The following COL21A1 variants were observed in gnomAD, a reference collection of about 807,000 sequenced individuals.
COL21A1 encodes the protein collagen type XXI alpha 1 chain, also known as collagen alpha-1(XXI) chain.
COL21A1 carries 149 observed loss-of-function variants against 137.9 expected under a neutral mutation model. The ratio of observed to expected loss-of-function variants is 1.08; its 90% CI spans 0.95 to 1.24. COL21A1 has a LOEUF of 1.24. Ranked by LOEUF, COL21A1 falls within the 50% of genes most tolerant of loss-of-function variation. The probability of loss-of-function intolerance (pLI) is 0.00; values close to 1 mark genes in which losing one functional copy is unlikely to be tolerated. For missense variants in COL21A1, 1,167 were observed against 1,158.4 expected (o/e 1.01, Z -0.11); for synonymous variants, 456 against 391.5 (o/e 1.16, Z -1.95).
intron 10 of COL21A1, among the ~76,000 whole-genome samples, chr6:56,146,948 T>C (rs1244726241): frequency 6.6e-6 from 1 of 152,144 alleles, no homozygotes; most frequent in Non-Finnish European, 1.5e-5. Context: ...TATATTTCCC[T>C]TGAGCTAAGC....
intron 1 of COL21A1, among the ~76,000 whole-genome samples, chr6:56,260,129 G>A (rs1763215049): frequency 3.9e-5 from 6 of 152,090 alleles, no homozygotes; most frequent in Admixed American, 3.3e-4. Context: ...AATTTAACAG[G>A]AGAATATTAC....
intron 9 of COL21A1, among the ~76,000 whole-genome samples, chr6:56,158,794 CCAAGAGGCTTAGCTTG>C (rs1775981921): frequency 6.6e-6 from 1 of 151,914 alleles, no homozygotes; most frequent in Non-Finnish European, 1.5e-5. Context: ...CAGCTGCCCC[CCAAGAGGCTTAGCTTG>C]AGGAAAGGCT....
At chr6:56,169,197 T>A (rs979130205) in intron 5 of COL21A1, among the ~76,000 whole-genome samples, 2 of 151,952 alleles carry the variant, frequency 1.3e-5, no homozygotes, top group Admixed American at 6.6e-5. Flanking sequence ...TTGTTTTACT[T>A]CAATAATTTT....
intron 1 of COL21A1, among the ~76,000 whole-genome samples, chr6:56,242,250 T>C (rs1782372509): frequency 6.6e-6 from 1 of 152,188 alleles, no homozygotes; most frequent in South Asian, 2.1e-4. Flanking sequence ...GAATCACCTA[T>C]GAATTTAAAG....
chr6:56,291,138 T>C (rs1764031728), intron 1 of COL21A1, among the ~76,000 whole-genome samples: 1 of 152,190 alleles, frequency 6.6e-6, no homozygotes, highest in Admixed American at 6.5e-5. Context: ...GAATCTTGTA[T>C]AAAGAACTGT....
chr6:56,337,792 G>A (rs187574175), intron 1 of COL21A1, among the ~76,000 whole-genome samples: 2 of 152,204 alleles, frequency 1.3e-5, no homozygotes, highest in Admixed American at 1.3e-4. Context: ...ATTTTGGAGC[G>A]ATTCCATTGA....
At chr6:56,381,121 A>T (rs560903347) in intron 1 of COL21A1, among the ~76,000 whole-genome samples, 8 of 152,312 alleles carry the variant, frequency 5.3e-5, no homozygotes, top group Non-Finnish European at 1.2e-4. Context: ...AAATGATGCC[A>T]ATCTGCTATA....
At chr6:56,165,793 T>C (rs992210348) in intron 7 of COL21A1, among the ~76,000 whole-genome samples, 2 of 152,110 alleles carry the variant, frequency 1.3e-5, no homozygotes, top group Admixed American at 6.6e-5. Context: ...TTAAAAACTA[T>C]GGTTGACTCA....
intron 24 of COL21A1, among the ~76,000 whole-genome samples, chr6:56,063,670 C>A (rs1048448738): frequency 1.3e-5 from 2 of 152,028 alleles, no homozygotes; most frequent in Non-Finnish European, 2.9e-5. Flanking sequence ...TTGCAGATAA[C>A]CTTGGGGCCC....
intron 1 of COL21A1, among the ~76,000 whole-genome samples, chr6:56,303,864 G>A (rs1764366071): frequency 1.3e-5 from 2 of 152,174 alleles, no homozygotes; most frequent in Admixed American, 6.5e-5. Context: ...TATGGGCTGT[G>A]GGTCTGTCAT....
chr6:56,372,977 C>T (rs528254251), intron 1 of COL21A1, among the ~76,000 whole-genome samples: 4 of 152,026 alleles, frequency 2.6e-5, no homozygotes, highest in African/African-American at 7.2e-5. Flanking sequence ...TGGCATATAA[C>T]CCAGACTACC....
At chr6:56,277,606 AT>A (rs1763698389) in intron 1 of COL21A1, among the ~76,000 whole-genome samples, 1 of 152,234 alleles carries the variant, frequency 6.6e-6, no homozygotes, top group South Asian at 2.1e-4. Context: ...ATTTATAAAA[AT>A]ATACCAATTC....
intron 1 of COL21A1, among the ~76,000 whole-genome samples, chr6:56,226,434 A>G (rs1251517667): frequency 6.6e-6 from 1 of 152,070 alleles, no homozygotes; most frequent in Non-Finnish European, 1.5e-5. Flanking sequence ...GGAAAAGGTA[A>G]CTATCATGAA....
intron 10 of COL21A1, among the ~76,000 whole-genome samples, chr6:56,151,442 C>G (rs983041432): frequency 2.0e-5 from 3 of 152,098 alleles, no homozygotes; most frequent in Non-Finnish European, 2.9e-5. Flanking sequence ...TCCCCTACCT[C>G]TTTTGTAATG....
intron 1 of COL21A1, among the ~76,000 whole-genome samples, chr6:56,223,725 G>A (rs775382294): frequency 1.3e-4 from 20 of 152,050 alleles, no homozygotes; most frequent in Non-Finnish European, 2.6e-4. Context: ...TTAAATCAAA[G>A]ATGCTCAAGT....
intron 1 of COL21A1, among the ~76,000 whole-genome samples, chr6:56,366,544 G>A (rs1260128788): frequency 6.6e-6 from 1 of 152,214 alleles, no homozygotes; most frequent in South Asian, 2.1e-4. Flanking sequence ...CTAGCTGGGA[G>A]GAAGATGTCA....
In COL21A1 at chr6:56,316,072, T is replaced by A. The variant is rs1764725000; in HGVS notation, c.-39+77899A>T. ...GCTATGCCATTGCTAACCAATTTTC[T>A]CTTTTTAATTTATTTTTAATCAACA... On this transcript the variant is annotated intron_variant, in intron 1 of 28. Transcript: ENST00000370819. Among the ~76,000 whole-genome samples, 6 of 152,316 alleles carry A rather than the reference T, an allele frequency of 3.9e-5. No individual in the cohort carries two copies. The South Asian group carries it at 1.2e-3, about 32-fold the overall frequency.
chr6:56,370,256 T>G (rs1766205255), intron 1 of COL21A1, among the ~76,000 whole-genome samples: 1 of 152,200 alleles, frequency 6.6e-6, no homozygotes, highest in Admixed American at 6.5e-5. Context: ...CTGATTCAGA[T>G]CCCGATCTGG....
At chr6:56,221,284 T>C (rs1780814190) in intron 1 of COL21A1, among the ~76,000 whole-genome samples, 1 of 152,168 alleles carries the variant, frequency 6.6e-6, no homozygotes, top group African/African-American at 2.4e-5. Context: ...ATAGAGGCTT[T>C]ACCTCAAGGA....
Sources: allele counts gnomAD v4.1 joint callset (sites outside exome capture counted in the v4.1 genomes callset), GRCh38; gene constraint gnomAD v4.1.1; transcripts MANE v1.5; gene names NCBI Gene and HGNC (gene_info 2026-07-23, HGNC 2026-07-21).